The following AGBL4 variants were observed in gnomAD, a reference collection of about 807,000 sequenced individuals.
The protein encoded by AGBL4 is AGBL carboxypeptidase 4.
A neutral mutation model predicts 66.4 loss-of-function variants in AGBL4; 58 were observed. That is an observed-to-expected ratio of 0.87 (90% CI 0.71 to 1.09). The LOEUF (loss-of-function observed/expected upper bound fraction) is 1.09, where lower values mean the gene tolerates loss of function less well. AGBL4 is among the 50% of genes least tolerant of loss of function. The probability of loss-of-function intolerance (pLI) is 0.00; values close to 1 mark genes in which losing one functional copy is unlikely to be tolerated. For synonymous variants in AGBL4, 234 were observed against 222.9 expected (o/e 1.05, Z -0.44); for missense variants, 579 against 631.0 (o/e 0.92, Z 0.88).
At chr1:49,501,961 G>A (rs538554719) in intron 3 of AGBL4, among the ~76,000 whole-genome samples, 68 of 152,150 alleles carry the variant, frequency 4.5e-4, no homozygotes, top group Middle Eastern at 6.8e-3. Flanking sequence ...TACCATTGTG[G>A]TCAGAAAAGA....
chr1:49,811,209 C>T (rs1272112510), intron 2 of AGBL4, among the ~76,000 whole-genome samples: 2 of 152,090 alleles, frequency 1.3e-5, no homozygotes, highest in African/African-American at 4.8e-5. Flanking sequence ...GGAATGGATC[C>T]TGTGGAAAAT....
chr1:49,606,798 C>A (rs1401356326), intron 3 of AGBL4, among the ~76,000 whole-genome samples: 1 of 152,006 alleles, frequency 6.6e-6, no homozygotes, highest in Non-Finnish European at 1.5e-5. Context: ...CAAACAACCC[C>A]AAAACTTGCT....
intron 11 of AGBL4, among the ~76,000 whole-genome samples, chr1:48,547,814 T>C (rs1644188537): frequency 6.6e-6 from 1 of 152,032 alleles, no homozygotes; most frequent in Non-Finnish European, 1.5e-5. Context: ...GCCTTGAGAG[T>C]GCACACAAGT....
chr1:49,386,173 A>G (rs1644731540), intron 3 of AGBL4, among the ~76,000 whole-genome samples: 1 of 152,010 alleles, frequency 6.6e-6, no homozygotes, highest in East Asian at 1.9e-4. Context: ...CATATAATAC[A>G]ACAGAAGAAA....
At chr1:49,555,286 C>G (rs1351338739) in intron 3 of AGBL4, among the ~76,000 whole-genome samples, 1 of 149,690 alleles carries the variant, frequency 6.7e-6, no homozygotes, top group Admixed American at 6.7e-5. Flanking sequence ...TTCTCCAAGT[C>G]CCCACTAGAT....
intron 3 of AGBL4, among the ~76,000 whole-genome samples, chr1:49,448,189 T>C (rs1646201211): frequency 6.6e-6 from 1 of 152,186 alleles, no homozygotes; most frequent in Non-Finnish European, 1.5e-5. Context: ...CTGTTGCATA[T>C]GACAGAAAGC....
intron 1 of AGBL4, among the ~76,000 whole-genome samples, chr1:50,016,539 G>A (rs1220360293): frequency 6.6e-6 from 1 of 152,148 alleles, no homozygotes. Context: ...TCCATCTTAG[G>A]TGACAGAGTG....
intron 5 of AGBL4, among the ~76,000 whole-genome samples, chr1:48,935,688 T>C (rs1655388667): frequency 6.6e-6 from 1 of 151,846 alleles, no homozygotes. Context: ...CTGGGTGTGG[T>C]GGCTCACACC....
intron 5 of AGBL4, among the ~76,000 whole-genome samples, chr1:49,024,974 T>C (rs1427983015): frequency 6.6e-6 from 1 of 152,150 alleles, no homozygotes; most frequent in Non-Finnish European, 1.5e-5. Context: ...GGGGTTTCTC[T>C]GGATATCTAT....
chr1:48,814,342 T>A (rs1332357088), intron 6 of AGBL4, among the ~76,000 whole-genome samples: 1 of 144,024 alleles, frequency 6.9e-6, no homozygotes, highest in Non-Finnish European at 1.5e-5. Flanking sequence ...AATTGACATA[T>A]AATAATTGTA....
intron 6 of AGBL4, among the ~76,000 whole-genome samples, chr1:48,762,178 G>C (rs1224555432): frequency 3.9e-5 from 6 of 152,174 alleles, no homozygotes; most frequent in African/African-American, 1.4e-4. Flanking sequence ...GCCGGGAGTG[G>C]GAAAGAGGCC....
At chr1:49,081,743 G>A (rs1351511982) in intron 4 of AGBL4, among the ~76,000 whole-genome samples, 1 of 152,126 alleles carries the variant, frequency 6.6e-6, no homozygotes, top group Non-Finnish European at 1.5e-5. Context: ...CCAAGTCTTA[G>A]CATAGTAAAG....
chr1:49,441,642 T>C (rs1182288389), intron 3 of AGBL4, among the ~76,000 whole-genome samples: 1 of 152,196 alleles, frequency 6.6e-6, no homozygotes, highest in Non-Finnish European at 1.5e-5. Flanking sequence ...AAGAGCCCTA[T>C]AATTTCTCTT....
intron 5 of AGBL4, among the ~76,000 whole-genome samples, chr1:48,874,751 G>A (rs1649053299): frequency 6.6e-6 from 1 of 152,070 alleles, no homozygotes; most frequent in African/African-American, 2.4e-5. Flanking sequence ...GAAGGAGTGG[G>A]GAGGGGCCAG....
At chr1:49,936,199 T>A (rs1442613744) in intron 1 of AGBL4, among the ~76,000 whole-genome samples, 1 of 152,090 alleles carries the variant, frequency 6.6e-6, no homozygotes, top group East Asian at 1.9e-4. Flanking sequence ...TGCAGAAGCC[T>A]CAGGAGCCGA....
intron 4 of AGBL4, among the ~76,000 whole-genome samples, chr1:49,134,706 G>T (rs1192086773): frequency 6.6e-6 from 1 of 151,770 alleles, no homozygotes; most frequent in Non-Finnish European, 1.5e-5. Flanking sequence ...ATTTCATATT[G>T]TTCAAACACA....
chr1:49,513,166 T>A (rs923461617), intron 3 of AGBL4, among the ~76,000 whole-genome samples: 1 of 152,100 alleles, frequency 6.6e-6, no homozygotes, highest in Non-Finnish European at 1.5e-5. Flanking sequence ...CTTTCTAGTA[T>A]AAATCTGAAT....
At chr1:48,808,526 A>G (rs763884607) in intron 6 of AGBL4, among the ~76,000 whole-genome samples, 63 of 152,328 alleles carry the variant, frequency 4.1e-4, no homozygotes, top group Non-Finnish European at 7.2e-4. Context: ...GAGAGTCCCA[A>G]GGGAAAGGAG....
intron 5 of AGBL4, among the ~76,000 whole-genome samples, chr1:49,037,111 G>A (rs1664729271): frequency 6.6e-6 from 1 of 152,014 alleles, no homozygotes; most frequent in Non-Finnish European, 1.5e-5. Context: ...TACAGTTTAG[G>A]TCTTTGTCCA....
Sources: gnomAD v4.1 joint callset for allele counts (sites outside exome capture counted in the v4.1 genomes callset) on GRCh38, gnomAD v4.1.1 for gene constraint, MANE v1.5 for transcripts, NCBI Gene and HGNC (gene_info 2026-07-23, HGNC 2026-07-21) for gene names.